The following ACOXL variants were observed in gnomAD, a reference collection of about 807,000 sequenced individuals.
ACOXL encodes acyl-coenzyme A oxidase-like protein.
In ACOXL, 70 loss-of-function variants were observed where a neutral mutation model predicts 71.9. The observed-to-expected ratio is 0.97, with a 90% confidence interval of 0.80 to 1.19. The LOEUF is 1.19. Ranked by LOEUF, ACOXL falls within the 50% of genes most tolerant of loss-of-function variation. ACOXL has a pLI of 0.00. For synonymous variants in ACOXL, 253 were observed against 281.6 expected (o/e 0.90, Z 1.02); for missense variants, 703 against 736.3 (o/e 0.95, Z 0.52).
At chr2:110,814,497 CA>C (rs1245469557) in intron 9 of ACOXL, among the ~76,000 whole-genome samples, 1 of 151,134 alleles carries the variant, frequency 6.6e-6, no homozygotes, top group African/African-American at 2.4e-5. Flanking sequence ...TTTAGTAAGC[CA>C]AAAAAAGTTT....
chr2:110,835,628 T>C (rs1480365406), intron 9 of ACOXL, among the ~76,000 whole-genome samples: 1 of 152,194 alleles, frequency 6.6e-6, no homozygotes, highest in Non-Finnish European at 1.5e-5. Context: ...AAGCTGAGTA[T>C]AGAACATTGA....
At chr2:110,836,213 G>A (rs1235640346) in intron 9 of ACOXL, among the ~76,000 whole-genome samples, 2 of 152,316 alleles carry the variant, frequency 1.3e-5, no homozygotes, top group South Asian at 2.1e-4. Flanking sequence ...GCTGTTGGGG[G>A]TAGTGTGCTG....
chr2:111,008,617 A>G (rs1318908550), intron 14 of ACOXL, among the ~76,000 whole-genome samples: 1 of 152,210 alleles, frequency 6.6e-6, no homozygotes, highest in African/African-American at 2.4e-5. Context: ...TGTTTGAATT[A>G]TATCTTCAGG....
At chr2:110,890,415 A>G (rs529979244) in intron 10 of ACOXL, among the ~76,000 whole-genome samples, 1 of 152,172 alleles carries the variant, frequency 6.6e-6, no homozygotes, top group Non-Finnish European at 1.5e-5. Context: ...ATTTGCTGCT[A>G]TGCTATCTTC....
intron 12 of ACOXL, among the ~76,000 whole-genome samples, chr2:110,964,506 T>C (rs1375529396): frequency 2.6e-5 from 4 of 152,180 alleles, no homozygotes; most frequent in Admixed American, 1.3e-4. Flanking sequence ...TCTGAGACAT[T>C]TGTCATTAGG....
chr2:111,085,103 G>A (rs1042695457), intron 16 of ACOXL, among the ~76,000 whole-genome samples: 3 of 152,162 alleles, frequency 2.0e-5, no homozygotes, highest in Non-Finnish European at 4.4e-5. Flanking sequence ...GACCTATGAA[G>A]AGACTTACAT....
chr2:110,840,677 A>T (rs1034407519), intron 9 of ACOXL, among the ~76,000 whole-genome samples: 1 of 152,202 alleles, frequency 6.6e-6, no homozygotes, highest in Admixed American at 6.5e-5. Flanking sequence ...AGATTTCCTC[A>T]TCATCCCTGC....
At chr2:110,992,336 G>T (rs1479749224) in intron 13 of ACOXL, among the ~76,000 whole-genome samples, 1 of 152,190 alleles carries the variant, frequency 6.6e-6, no homozygotes, top group African/African-American at 2.4e-5. Context: ...GAAAGCCTTT[G>T]TCATCAAAGT....
intron 11 of ACOXL, among the ~76,000 whole-genome samples, chr2:110,909,438 A>G (rs1574080999): frequency 6.6e-6 from 1 of 152,114 alleles, no homozygotes; most frequent in African/African-American, 2.4e-5. Flanking sequence ...GTGCTAGGCC[A>G]TTGTCCAGCA....
intron 16 of ACOXL, among the ~76,000 whole-genome samples, chr2:111,092,320 C>G (rs1168560515): frequency 6.6e-6 from 1 of 152,182 alleles, no homozygotes; most frequent in African/African-American, 2.4e-5. Context: ...TTTATTGTTG[C>G]TTGGTGCCCA....
chr2:110,875,837 G>A (rs1221672515), intron 10 of ACOXL, among the ~76,000 whole-genome samples: 1 of 152,094 alleles, frequency 6.6e-6, no homozygotes. Flanking sequence ...AAAGGCATTT[G>A]TAACCTCTAC....
In ACOXL at chr2:110,880,078, G is replaced by A. The variant is rs144411814; in HGVS notation, c.789-28711G>A. On this transcript the variant is annotated intron_variant, in intron 10 of 17. Transcript: ENST00000439055. ...GGAGAATTGCTTGAACCTGGGAGGT[G>A]GAGGTTGCAGTGACCGAGTTTGTAC... is the stretch of plus-strand genomic sequence containing the variant. Among the ~76,000 whole-genome samples, 730 of 151,248 alleles carry A rather than the reference G, an allele frequency of 4.8e-3. 4 individuals are homozygous for A. Among genetic ancestry groups the A allele is most frequent in the Non-Finnish European group, 8.0e-3 (540 of 67,798 alleles).
intron 17 of ACOXL, among the ~76,000 whole-genome samples, chr2:111,108,368 A>C (rs965701855): frequency 1.3e-5 from 1 of 74,178 alleles, no homozygotes; most frequent in Non-Finnish European, 2.8e-5. Flanking sequence ...GAAGTGCATG[A>C]ATCTTTTTTT....
At chr2:110,951,084 G>A (rs2061318364) in intron 12 of ACOXL, among the ~76,000 whole-genome samples, 1 of 152,176 alleles carries the variant, frequency 6.6e-6, no homozygotes, top group South Asian at 2.1e-4. Flanking sequence ...TTGAGTCAGA[G>A]TCCTCTCCAA....
intron 1 of ACOXL, among the ~76,000 whole-genome samples, chr2:110,742,629 G>A (rs552609791): frequency 6.6e-6 from 1 of 152,302 alleles, no homozygotes; most frequent in South Asian, 2.1e-4. Context: ...CAGAAGGTGG[G>A]TGAATTTGGG....
intron 15 of ACOXL, among the ~76,000 whole-genome samples, chr2:111,040,091 T>C (rs903018348): frequency 1.2e-4 from 19 of 152,290 alleles, no homozygotes; most frequent in African/African-American, 4.1e-4. Flanking sequence ...TTTCTAGCAA[T>C]TGTGCTATTT....
intron 10 of ACOXL, among the ~76,000 whole-genome samples, chr2:110,901,704 C>G (rs1574052038): frequency 6.6e-6 from 1 of 151,790 alleles, no homozygotes; most frequent in African/African-American, 2.4e-5. Context: ...ACACAGGCTT[C>G]TTCCATCTCC....
rs75375397 is a variant in ACOXL at position 111,024,626 on chromosome 2, T to C, written c.1282-7001T>C. On this transcript the variant is annotated intron_variant, in intron 14 of 17. Coordinates refer to ENST00000439055, the MANE Select transcript of ACOXL (RefSeq NM_001142807.4). ...AGTTACAGCAGCCCTAGGGAACCAA[T>C]ATACCTCCATAGTGCAGCCTTTAAA... is the stretch of plus-strand genomic sequence containing the variant. Among the ~76,000 whole-genome samples the C allele has an allele frequency of 9.6e-4, 146 of 152,268 alleles. 1 individual carries two copies. Among genetic ancestry groups the C allele is most frequent in the African/African-American group, 3.4e-3 (140 of 41,546 alleles).
At chr2:110,874,185 G>A (rs749030801) in intron 10 of ACOXL, among the ~76,000 whole-genome samples, 14 of 152,324 alleles carry the variant, frequency 9.2e-5, no homozygotes, top group Non-Finnish European at 1.8e-4. Flanking sequence ...GGCAGCAGGG[G>A]ACAACGGAAC....
Sources: gnomAD v4.1 joint callset for allele counts (sites outside exome capture counted in the v4.1 genomes callset) on GRCh38, gnomAD v4.1.1 for gene constraint, MANE v1.5 for transcripts, NCBI Gene and HGNC (gene_info 2026-07-23, HGNC 2026-07-21) for gene names.